Variants in PINX1 observed in about 807,000 individuals in gnomAD.
PINX1 encodes PIN2 (TERF1) interacting telomerase inhibitor 1.
PINX1 carries 34 observed loss-of-function variants against 25.4 expected under a neutral mutation model. The observed-to-expected ratio is 1.34, with a 90% CI of 1.02 to 1.78. The LOEUF is 1.78. Among genes scored for constraint, PINX1 ranks in the 40% most tolerant of loss-of-function variants. PINX1 has a pLI of 0.00. For missense variants in PINX1, 592 were observed against 404.9 expected (o/e 1.46, Z -3.97); for synonymous variants, 197 against 147.7 (o/e 1.33, Z -2.42).
At chr8:10,834,145 A>T (rs997568667) in intron 2 of PINX1, among the ~76,000 whole-genome samples, 1 of 152,198 alleles carries the variant, frequency 6.6e-6, no homozygotes, top group African/African-American at 2.4e-5. Context: ...TCAAAAGTCT[A>T]TAGAAAGAAG....
chr8:10,774,794 T>C (rs752188423), intron 6 of PINX1, among the ~76,000 whole-genome samples: 7 of 152,192 alleles, frequency 4.6e-5, no homozygotes, highest in Non-Finnish European at 1.0e-4. Flanking sequence ...CAGAAATCAA[T>C]GTAGCAAATA....
At chr8:10,833,169 G>C (rs79120934) in intron 2 of PINX1, among the ~76,000 whole-genome samples, 185 bp from the exon 3 acceptor site, 3,589 of 152,274 alleles carry the variant, frequency 0.024, 73 homozygotes, top group Middle Eastern at 0.071. Flanking sequence ...GCACTCATCT[G>C]TAAGATTTTC....
chr8:10,802,836 T>C (rs1351710562), intron 6 of PINX1, among the ~76,000 whole-genome samples: 12 of 152,364 alleles, frequency 7.9e-5, no homozygotes, highest in Non-Finnish European at 1.5e-5. Context: ...GGGACAACTA[T>C]CTTTCTTCTC....
intron 6 of PINX1, among the ~76,000 whole-genome samples, chr8:10,779,536 C>T (rs1801516755): frequency 6.6e-6 from 1 of 152,182 alleles, no homozygotes; most frequent in Non-Finnish European, 1.5e-5. Context: ...AACAAACCCT[C>T]TGAATCTCTC....
At chr8:10,770,172 C>A (rs1463074630) in intron 6 of PINX1, among the ~76,000 whole-genome samples, 1 of 152,216 alleles carries the variant, frequency 6.6e-6, no homozygotes, top group African/African-American at 2.4e-5. Flanking sequence ...TGGGCAGATG[C>A]TGGACAGCTT....
At chr8:10,793,301 A>G (rs1468775816) in intron 6 of PINX1, among the ~76,000 whole-genome samples, 1 of 152,224 alleles carries the variant, frequency 6.6e-6, no homozygotes, top group Non-Finnish European at 1.5e-5. Context: ...CTTCTGAGCC[A>G]AGAGTTATGC....
intron 6 of PINX1, among the ~76,000 whole-genome samples, chr8:10,809,671 T>G (rs1563223754): frequency 6.6e-6 from 1 of 152,166 alleles, no homozygotes; most frequent in African/African-American, 2.4e-5. Context: ...GGAGGACAGA[T>G]AGGAACATTC....
intron 6 of PINX1, among the ~76,000 whole-genome samples, chr8:10,794,782 GT>G (rs1421367189): frequency 1.3e-5 from 2 of 152,104 alleles, no homozygotes; most frequent in East Asian, 3.9e-4. Context: ...ACTTTTACGG[GT>G]TTAAAACTAA....
intron 4 of PINX1, among the ~76,000 whole-genome samples, chr8:10,829,865 G>C (rs1385124721): frequency 6.6e-6 from 1 of 152,066 alleles, no homozygotes; most frequent in Non-Finnish European, 1.5e-5. Context: ...TGTATTTTTA[G>C]GAGAGACAGG....
intron 6 of PINX1, among the ~76,000 whole-genome samples, chr8:10,806,909 G>A (rs1802469885): frequency 1.3e-5 from 2 of 152,240 alleles, no homozygotes; most frequent in South Asian, 2.1e-4. Context: ...AGAAAGACCC[G>A]CCAACTCTGA....
At chr8:10,806,288 A>G (rs1243852034) in intron 6 of PINX1, among the ~76,000 whole-genome samples, 1 of 152,226 alleles carries the variant, frequency 6.6e-6, no homozygotes, top group African/African-American at 2.4e-5. Context: ...CTTGGATCCA[A>G]CAAGCTGCAG....
intron 6 of PINX1, among the ~76,000 whole-genome samples, chr8:10,800,425 A>C (rs1311046088): frequency 6.6e-6 from 1 of 152,150 alleles, no homozygotes; most frequent in Non-Finnish European, 1.5e-5. Context: ...GATCATTCTA[A>C]AACAATAGAA....
chr8:10,822,993 T>C (rs1797923439), intron 5 of PINX1, among the ~76,000 whole-genome samples: 1 of 152,168 alleles, frequency 6.6e-6, no homozygotes, highest in Non-Finnish European at 1.5e-5. Context: ...GAACTGGCAG[T>C]CAACCGAGGG....
chr8:10,786,619 G>T (rs888165922), intron 6 of PINX1, among the ~76,000 whole-genome samples: 1 of 152,196 alleles, frequency 6.6e-6, no homozygotes, highest in Non-Finnish European at 1.5e-5. Context: ...GGTCAATGCA[G>T]GGGCACAAAG....
In PINX1 at chr8:10,833,627, G is replaced by C. The variant is rs1168092454; in HGVS notation, c.130-643C>G. 2 of 62,914 alleles carry C rather than the reference G, an allele frequency of 3.2e-5. 1 individual carries two copies. Among genetic ancestry groups the C allele is most frequent in the African/African-American group, 2.1e-4 (2 of 9,580 alleles). 3.9% of individuals were successfully genotyped at this position (62,914 alleles called of 1,614,324 possible). On this transcript the variant is annotated intron_variant, in intron 2 of 6. Coordinates refer to ENST00000314787, the MANE Select transcript of PINX1 (RefSeq NM_017884.6). ...GAGAAGAATGACAACTGGGGTGCGG[G>C]AGGCTGGAGAAGAATGACGACTGGG...
intron 6 of PINX1, among the ~76,000 whole-genome samples, chr8:10,778,828 G>A (rs1324227432): frequency 6.6e-6 from 1 of 152,192 alleles, no homozygotes; most frequent in Non-Finnish European, 1.5e-5. Flanking sequence ...AAATCTCATA[G>A]TTAAATCTTT....
intron 6 of PINX1, among the ~76,000 whole-genome samples, chr8:10,782,437 T>C (rs1270878539): frequency 1.3e-5 from 2 of 151,998 alleles, no homozygotes; most frequent in African/African-American, 2.4e-5. Context: ...AAAAATTTTT[T>C]TTTTTAAGTA....
intron 6 of PINX1, among the ~76,000 whole-genome samples, chr8:10,794,390 C>T (rs1163093268): frequency 2.0e-5 from 3 of 151,706 alleles, no homozygotes; most frequent in Non-Finnish European, 4.4e-5. Flanking sequence ...TTAAAATATC[C>T]GAACAGTATT....
chr8:10,821,088 T>G (rs143654222), intron 5 of PINX1, among the ~76,000 whole-genome samples: 1 of 152,362 alleles, frequency 6.6e-6, no homozygotes, highest in African/African-American at 2.4e-5. Flanking sequence ...GTAAATGCAT[T>G]TTAAAATGTA....
Sources: allele counts gnomAD v4.1 joint callset (sites outside exome capture counted in the v4.1 genomes callset), GRCh38; gene constraint gnomAD v4.1.1; transcripts MANE v1.5; gene names NCBI Gene and HGNC (gene_info 2026-07-23, HGNC 2026-07-21).